MLLT10: variants seen among roughly 807,000 people sequenced by gnomAD.
MLLT10 encodes protein AF-10.
A neutral mutation model predicts 129.1 loss-of-function variants in MLLT10; 30 were observed. The ratio of observed to expected loss-of-function variants is 0.23; its 90% CI spans 0.17 to 0.32. MLLT10 has a LOEUF of 0.32. Ranked by LOEUF, MLLT10 falls within the 10% of genes least tolerant of loss-of-function variation. MLLT10 has a pLI of 1.00. For synonymous variants in MLLT10, 490 were observed against 446.4 expected (o/e 1.10, Z -1.23); for missense variants, 1,119 against 1,268.3 (o/e 0.88, Z 1.79).
intron 4 of MLLT10, among the ~76,000 whole-genome samples, chr10:21,588,704 A>T (rs1234514643): frequency 6.6e-6 from 1 of 152,068 alleles, no homozygotes; most frequent in African/African-American, 2.4e-5. Context: ...AAGTTTGTAT[A>T]TCCAAGCAGT....
chr10:21,556,860 C>G (rs2038085021), intron 3 of MLLT10: 1 of 1,551,250 alleles, frequency 6.4e-7, no homozygotes, highest in African/African-American at 1.4e-5. Flanking sequence ...TTTCTAGTTT[C>G]CAGGGATATT....
At chr10:21,670,388 GT>G in intron 9 of MLLT10, 60 bp from the exon 10 acceptor site, 1 of 1,492,590 alleles carries the variant, frequency 6.7e-7, no homozygotes, top group Non-Finnish European at 9.0e-7. Context: ...GGCACCCATT[GT>G]TTTCTGTAAC....
At chr10:21,538,559 G>T (rs559586842) in intron 2 of MLLT10, among the ~76,000 whole-genome samples, 19 of 151,754 alleles carry the variant, frequency 1.3e-4, no homozygotes, top group South Asian at 8.3e-4. Context: ...CTCCCAACTC[G>T]ACCTCCCAAA....
intron 9 of MLLT10, among the ~76,000 whole-genome samples, chr10:21,655,571 T>G (rs2049492685): frequency 6.6e-6 from 1 of 152,218 alleles, no homozygotes; most frequent in South Asian, 2.1e-4. Context: ...TTCTTAGCTG[T>G]TGAGCTATAC....
intron 13 of MLLT10, among the ~76,000 whole-genome samples, chr10:21,706,650 C>T (rs1259733620): frequency 6.6e-6 from 1 of 152,178 alleles, no homozygotes; most frequent in African/African-American, 2.4e-5. Context: ...CTTACTTGAC[C>T]TCCTAGGCAG....
chr10:21,727,615 A>C (rs1218337078), intron 15 of MLLT10, among the ~76,000 whole-genome samples: 1 of 152,182 alleles, frequency 6.6e-6, no homozygotes, highest in Non-Finnish European at 1.5e-5. Flanking sequence ...AATTGAAAGG[A>C]ATGAAAGAAC....
intron 6 of MLLT10, among the ~76,000 whole-genome samples, chr10:21,613,922 A>G (rs546702038): frequency 6.6e-6 from 1 of 151,838 alleles, no homozygotes; most frequent in Admixed American, 6.6e-5. Flanking sequence ...AAAACAAAAA[A>G]CAAACAAAAC....
At chr10:21,740,291 G>A (rs1021562790) in intron 22 of MLLT10, 55 bp downstream of exon 22, 34 of 1,550,058 alleles carry the variant, frequency 2.2e-5, no homozygotes, top group Non-Finnish European at 2.9e-5. Flanking sequence ...TTGATTAATC[G>A]GAGATGATCA....
At chr10:21,685,912 C>T (rs2053247576) in intron 13 of MLLT10, among the ~76,000 whole-genome samples, 1 of 151,960 alleles carries the variant, frequency 6.6e-6, no homozygotes, top group South Asian at 2.1e-4. Context: ...TAAATACTGA[C>T]AAAATAAGAT....
chr10:21,655,022 A>G (rs1415596006), intron 9 of MLLT10, among the ~76,000 whole-genome samples: 1 of 152,162 alleles, frequency 6.6e-6, no homozygotes, highest in Non-Finnish European at 1.5e-5. Flanking sequence ...GGAGTAGTAA[A>G]GAGTGAATTA....
rs1470265793 is a variant in MLLT10 at position 21,708,736 on chromosome 10, C to T, written c.1700-5036C>T. 3.0e-6 allele frequency: 3 copies of T among 985,178 alleles called. No homozygotes were observed. The East Asian group carries it at 3.4e-4, about 112-fold the overall frequency. The allele number at this position is 985,178 out of a possible 1,614,324, so 61.0% of individuals were successfully genotyped here. ...CCTTAATCACCACGATTTTGCTTCT[C>T]AATATTATTCTTCCAAGATGTTTTA... On this transcript the variant is annotated intron_variant, in intron 13 of 22. Coordinates refer to ENST00000307729, the MANE Select transcript of MLLT10 (RefSeq NM_001195626.3).
chr10:21,670,983 G>A, intron 10 of MLLT10: 1 of 290,914 alleles, frequency 3.4e-6, no homozygotes, highest in South Asian at 6.4e-5. Flanking sequence ...AAATTGGGGA[G>A]AAAAATAATA....
At chr10:21,646,318 C>T (rs1349536713) in intron 8 of MLLT10, among the ~76,000 whole-genome samples, 2 of 152,192 alleles carry the variant, frequency 1.3e-5, no homozygotes, top group Admixed American at 1.3e-4. Flanking sequence ...AGGTTCATTA[C>T]AGAGAGCAAA....
intron 14 of MLLT10, among the ~76,000 whole-genome samples, chr10:21,714,569 G>A (rs2056385481): frequency 1.3e-5 from 2 of 152,150 alleles, no homozygotes; most frequent in South Asian, 4.1e-4. Flanking sequence ...GTCTCACTTT[G>A]TCACCCAGGC....
chr10:21,708,527 C>T lies in MLLT10; in HGVS notation c.1700-5245C>T, dbSNP rs994774140. 7 of 955,350 alleles carry T rather than the reference C, an allele frequency of 7.3e-6. No homozygotes were observed. In the South Asian group the frequency reaches 1.9e-4, roughly 26 times the overall value. The allele number at this position is 955,350 out of a possible 1,614,324, so 59.2% of individuals were successfully genotyped here. On this transcript the variant is annotated intron_variant, in intron 13 of 22. Transcript: ENST00000307729. Reference sequence around the variant, plus strand: ...AGATTTAGAATTTTAAGCTTTCCTGCCTTGATAGGAAAGGAACATTTTGCT... The same window carrying T: ...AGATTTAGAATTTTAAGCTTTCCTGTCTTGATAGGAAAGGAACATTTTGCT...
intron 3 of MLLT10, among the ~76,000 whole-genome samples, chr10:21,555,376 C>G (rs1304954069): frequency 6.6e-6 from 1 of 151,910 alleles, no homozygotes; most frequent in Non-Finnish European, 1.5e-5. Flanking sequence ...GCGCCTGCCA[C>G]CACGCCTGGC....
At chr10:21,590,198 TC>T (rs2131109079) in intron 4 of MLLT10, among the ~76,000 whole-genome samples, 1 of 152,292 alleles carries the variant, frequency 6.6e-6, no homozygotes, top group South Asian at 2.1e-4. Context: ...GCCTCATCCT[TC>T]CAAAGTGTTG....
chr10:21,718,842 GCCT>G (rs2056935072), intron 14 of MLLT10, among the ~76,000 whole-genome samples: 1 of 152,144 alleles, frequency 6.6e-6, no homozygotes, highest in Non-Finnish European at 1.5e-5. Flanking sequence ...TCCTGCCTCA[GCCT>G]CCTGAGTACC....
intron 3 of MLLT10, chr10:21,556,961 T>C (rs771346592): frequency 4.6e-5 from 70 of 1,532,440 alleles, no homozygotes; most frequent in Non-Finnish European, 5.4e-5. Flanking sequence ...TGGAATTAAC[T>C]ACTTGTGTTT....
Sources: gnomAD v4.1 joint callset for allele counts (sites outside exome capture counted in the v4.1 genomes callset) on GRCh38, gnomAD v4.1.1 for gene constraint, MANE v1.5 for transcripts, NCBI Gene and HGNC (gene_info 2026-07-23, HGNC 2026-07-21) for gene names.